SORCS3: variants seen among roughly 807,000 people sequenced by gnomAD.
The protein encoded by SORCS3 is sortilin related VPS10 domain containing receptor 3, also known as VPS10 domain-containing receptor SorCS3.
SORCS3 carries 57 observed loss-of-function variants against 146.3 expected under a neutral mutation model. The ratio of observed to expected loss-of-function variants is 0.39; its 90% CI spans 0.31 to 0.49. The LOEUF is 0.49. Among genes scored for constraint, SORCS3 ranks in the 20% least tolerant of loss-of-function variants. The probability of loss-of-function intolerance (pLI) is 0.92; values close to 1 mark genes in which losing one functional copy is unlikely to be tolerated. For synonymous variants in SORCS3, 653 were observed against 618.5 expected, an observed-to-expected ratio of 1.06 and a Z score of -0.83; for missense variants, 1,341 against 1,575.5, an observed-to-expected ratio of 0.85 and a Z score of 2.52.
intron 20 of SORCS3, among the ~76,000 whole-genome samples, chr10:105,240,948 AT>A (rs1450608624): frequency 0.014 from 1,531 of 107,306 alleles, 10 homozygotes; most frequent in East Asian, 0.036. Context: ...ACTGAAAAAA[AT>A]ATATATATAT....
At chr10:104,959,712 G>A (rs772729897) in intron 3 of SORCS3, among the ~76,000 whole-genome samples, 12 of 152,162 alleles carry the variant, frequency 7.9e-5, no homozygotes, top group African/African-American at 2.9e-4. Flanking sequence ...AATGCAATCC[G>A]AAGACTTTGG....
Position 105,247,321 on chromosome 10 carries a change from C to T in SORCS3, c.3095C>T (p.Ala1032Val). The stretch of plus-strand genomic sequence containing the variant: ...GATATTGGCAATGTCATCAAGCGAG[C>T]TCTGGTTAAAGTAAGTTGGCTTTGT... ...RKDIGNVIKR[A>V]LVKVTSVPED... The change falls in exon 22 of 27, where the codon GCT becomes GTT. Residue 1032 changes from alanine to valine, a missense_variant. Coordinates refer to ENST00000369701, the MANE Select transcript of SORCS3 (RefSeq NM_014978.3). 1 of 1,600,786 alleles carries T rather than the reference C, an allele frequency of 6.2e-7. No individual in the cohort carries two copies. Among genetic ancestry groups the T allele is most frequent in the South Asian group, 1.1e-5 (1 of 90,354 alleles).
At chr10:105,229,577 G>A (rs72819907) in intron 20 of SORCS3, among the ~76,000 whole-genome samples, 13,356 of 152,186 alleles carry the variant, frequency 0.088, 784 homozygotes, top group Admixed American at 0.16. Context: ...TTGATTCTGG[G>A]TGCATGCATT....
chr10:105,122,323 C>A (rs1033941586), intron 7 of SORCS3, among the ~76,000 whole-genome samples: 2 of 152,182 alleles, frequency 1.3e-5, no homozygotes, highest in Non-Finnish European at 1.5e-5. Context: ...TTTCTGCAAG[C>A]AGCCTTTAAT....
At chr10:105,060,253 A>G (rs549337121) in intron 5 of SORCS3, among the ~76,000 whole-genome samples, 21 of 152,164 alleles carry the variant, frequency 1.4e-4, no homozygotes, top group African/African-American at 4.1e-4. Context: ...CAGGAAGGAG[A>G]AAGAAGAGAA....
At chr10:104,859,547 CA>C (rs2018376475) in intron 2 of SORCS3, among the ~76,000 whole-genome samples, 1 of 152,160 alleles carries the variant, frequency 6.6e-6, no homozygotes, top group South Asian at 2.1e-4. Flanking sequence ...GCAATGTCAA[CA>C]AAAGCCAAAA....
At chr10:105,158,744 C>T (rs1007341227) in intron 10 of SORCS3, 148 bp from the exon 11 acceptor site, 20 of 611,554 alleles carry the variant, frequency 3.3e-5, no homozygotes, top group Middle Eastern at 4.5e-4. Flanking sequence ...ATCTCAGGTG[C>T]GGATATCTCC....
chr10:104,842,628 C>A (rs999702861), intron 1 of SORCS3, among the ~76,000 whole-genome samples, 164 bp from the exon 2 acceptor site: 25 of 152,170 alleles, frequency 1.6e-4, no homozygotes, highest in Admixed American at 1.5e-3. Flanking sequence ...ATAACTTTTT[C>A]CCCCTTGCTT....
chr10:104,921,427 G>A (rs948952372), intron 3 of SORCS3, among the ~76,000 whole-genome samples: 1 of 152,028 alleles, frequency 6.6e-6, no homozygotes, highest in East Asian at 1.9e-4. Flanking sequence ...ATGGCAGAGA[G>A]CACACACTGG....
chr10:105,085,965 C>G (rs560130530), intron 5 of SORCS3, among the ~76,000 whole-genome samples: 3 of 152,278 alleles, frequency 2.0e-5, no homozygotes, highest in South Asian at 4.1e-4. Context: ...ATTACCACCT[C>G]TCTCTCTATT....
chr10:104,873,612 A>T (rs1249129463), intron 2 of SORCS3, among the ~76,000 whole-genome samples: 1 of 152,214 alleles, frequency 6.6e-6, no homozygotes, highest in Non-Finnish European at 1.5e-5. Context: ...TACAGTCACC[A>T]TTTGGAGATA....
intron 2 of SORCS3, among the ~76,000 whole-genome samples, chr10:104,915,161 G>C (rs1352351182): frequency 6.6e-6 from 1 of 152,138 alleles, no homozygotes; most frequent in Non-Finnish European, 1.5e-5. Flanking sequence ...TGCTGGAAAG[G>C]AGGAGCAGGT....
At chr10:104,822,368 C>T (rs2017883489) in intron 1 of SORCS3, among the ~76,000 whole-genome samples, 1 of 152,122 alleles carries the variant, frequency 6.6e-6, no homozygotes, top group Admixed American at 6.5e-5. Flanking sequence ...GATATTTTGC[C>T]AAAGATAAAT....
rs140914845 is a variant in SORCS3 at position 105,222,618 on chromosome 10, C to G, written c.2735-498C>G. Among the ~76,000 whole-genome samples, 927 of 152,218 alleles carry G rather than the reference C, an allele frequency of 6.1e-3. 26 individuals are homozygous for G. Among genetic ancestry groups the G allele is most frequent in the Admixed American group, 0.032 (482 of 15,296 alleles). Reference sequence around the variant, plus strand: ...TACTTTTCCCTGTTTGGAAAACAGCCTTGCCAGTTTCTGAATGACACCCAC... The same window carrying G: ...TACTTTTCCCTGTTTGGAAAACAGCGTTGCCAGTTTCTGAATGACACCCAC... On this transcript the variant is annotated intron_variant, in intron 19 of 26. Coordinates refer to ENST00000369701, the MANE Select transcript of SORCS3 (RefSeq NM_014978.3).
chr10:104,650,353 G>A (rs2015543223), intron 1 of SORCS3, among the ~76,000 whole-genome samples: 1 of 152,210 alleles, frequency 6.6e-6, no homozygotes, highest in Admixed American at 6.5e-5. Context: ...TTGTTCCGAA[G>A]GAGGGAAGAT....
chr10:104,668,162 T>C (rs768943831), intron 1 of SORCS3, among the ~76,000 whole-genome samples: 25 of 152,330 alleles, frequency 1.6e-4, no homozygotes, highest in Middle Eastern at 6.8e-3. Context: ...TGTGTGTGTG[T>C]GTGCGCGCAT....
rs145691404 is a variant in SORCS3 at position 104,868,149 on chromosome 10, C to T, written c.695+25290C>T. Among the ~76,000 whole-genome samples the T allele has an allele frequency of 5.3e-5, 8 of 152,322 alleles. No individual in the cohort carries two copies. The East Asian group carries it at 7.7e-4, about 15-fold the overall frequency. On this transcript the variant is annotated intron_variant, in intron 2 of 26. Coordinates refer to ENST00000369701, the MANE Select transcript of SORCS3 (RefSeq NM_014978.3). ...GGTTACATTTCCACCTTCACTCTGA[C>T]GTCAGAATGCTTCAGAGCTCTGCTC...
At chr10:104,913,287 A>G in intron 2 of SORCS3, among the ~76,000 whole-genome samples, 1 of 152,172 alleles carries the variant, frequency 6.6e-6, no homozygotes, top group Admixed American at 6.5e-5. Flanking sequence ...TTGAAACATG[A>G]TGATGTATGA....
At chr10:104,802,641 G>A (rs1000036301) in intron 1 of SORCS3, among the ~76,000 whole-genome samples, 1 of 152,180 alleles carries the variant, frequency 6.6e-6, no homozygotes, top group East Asian at 1.9e-4. Flanking sequence ...GACCTATTGA[G>A]CATCTACAGA....
Sources: gnomAD v4.1 joint callset for allele counts (sites outside exome capture counted in the v4.1 genomes callset) on GRCh38, gnomAD v4.1.1 for gene constraint, MANE v1.5 for transcripts, NCBI Gene and HGNC (gene_info 2026-07-23, HGNC 2026-07-21) for gene names.